CAMK1D: variants seen among roughly 807,000 people sequenced by gnomAD.
The protein encoded by CAMK1D is calcium/calmodulin dependent protein kinase ID.
A neutral mutation model predicts 47.7 loss-of-function variants in CAMK1D; 9 were observed. The observed-to-expected ratio is 0.19, with a 90% CI of 0.11 to 0.33. The LOEUF (loss-of-function observed/expected upper bound fraction) is 0.33, where lower values mean the gene tolerates loss of function less well. Ranked by LOEUF, CAMK1D falls within the 10% of genes least tolerant of loss-of-function variation. CAMK1D has a pLI of 1.00. For missense variants in CAMK1D, 291 were observed against 488.7 expected, an observed-to-expected ratio of 0.60 and a Z score of 3.81; for synonymous variants, 184 against 184.9, an observed-to-expected ratio of 0.99 and a Z score of 0.04.
chr10:12,692,557 A>G (rs1832968806), intron 3 of CAMK1D, among the ~76,000 whole-genome samples: 1 of 152,212 alleles, frequency 6.6e-6, no homozygotes, highest in Non-Finnish European at 1.5e-5. Context: ...CATGAAGTAA[A>G]TTGAGAAGCC....
At chr10:12,389,070 A>G (rs1254226598) in intron 1 of CAMK1D, among the ~76,000 whole-genome samples, 2 of 152,234 alleles carry the variant, frequency 1.3e-5, no homozygotes, top group Non-Finnish European at 2.9e-5. Flanking sequence ...CTGGAGGAAG[A>G]GGCGAGATGG....
intron 3 of CAMK1D, among the ~76,000 whole-genome samples, chr10:12,679,870 G>GATGA (rs1840934399): frequency 2.0e-5 from 3 of 152,182 alleles, no homozygotes; most frequent in Non-Finnish European, 2.9e-5. Context: ...CTCCTCAAGG[G>GATGA]TGTCTGCTCC....
chr10:12,374,126 G>C (rs966093197), intron 1 of CAMK1D, among the ~76,000 whole-genome samples: 2 of 151,478 alleles, frequency 1.3e-5, no homozygotes, highest in African/African-American at 4.8e-5. Flanking sequence ...CAGGTGTCAT[G>C]GTGGGCATCT....
intron 3 of CAMK1D, among the ~76,000 whole-genome samples, chr10:12,715,765 G>T (rs1834108032): frequency 6.7e-6 from 1 of 148,244 alleles, no homozygotes; most frequent in Non-Finnish European, 1.5e-5. Flanking sequence ...CTCTCGCCCA[G>T]GCTGGAGTGC....
At chr10:12,648,898 G>C (rs1477709055) in intron 2 of CAMK1D, among the ~76,000 whole-genome samples, 1 of 152,092 alleles carries the variant, frequency 6.6e-6, no homozygotes, top group Non-Finnish European at 1.5e-5. Context: ...ATTTTTTGGA[G>C]ACAAGGTCTT....
chr10:12,394,254 G>A lies in CAMK1D; in HGVS notation c.92+44344G>A, dbSNP rs540001028. 9.7e-4 allele frequency among the ~76,000 whole-genome samples: 147 copies of A among 152,274 alleles called. 1 individual carries two copies. Among genetic ancestry groups the A allele is most frequent in the African/African-American group, 2.8e-3 (115 of 41,552 alleles). ...GGGTGAGGTAGCAGGGGAGCGTGCC[G>A]TCCTCTCCGGGTGCCCCACCTCCCT... On this transcript the variant is annotated intron_variant, in intron 1 of 10. Coordinates refer to ENST00000619168, the MANE Select transcript of CAMK1D (RefSeq NM_153498.4).
chr10:12,796,176 G>A (rs1838188378), intron 6 of CAMK1D, among the ~76,000 whole-genome samples: 1 of 152,184 alleles, frequency 6.6e-6, no homozygotes, highest in Non-Finnish European at 1.5e-5. Flanking sequence ...GACACTGAAT[G>A]TGGGCTAACA....
intron 3 of CAMK1D, among the ~76,000 whole-genome samples, chr10:12,754,962 C>T (rs1027594608): frequency 3.3e-5 from 5 of 152,148 alleles, no homozygotes; most frequent in African/African-American, 1.2e-4. Flanking sequence ...CAGTCCATAA[C>T]ACCCAGATAT....
rs550562434 is a variant in CAMK1D at position 12,708,018 on chromosome 10, C to T, written c.299+41208C>T. Among the ~76,000 whole-genome samples the T allele has an allele frequency of 3.9e-5, 6 of 152,310 alleles. No homozygotes were observed. In the South Asian group the frequency reaches 1.2e-3, roughly 32 times the overall value. On this transcript the variant is annotated intron_variant, in intron 3 of 10. Coordinates refer to ENST00000619168, the MANE Select transcript of CAMK1D (RefSeq NM_153498.4). The stretch of plus-strand genomic sequence containing the variant: ...TATGATAGACTTTGCCTAAGAGTGA[C>T]CGAGGCAGCATTGTCATTGCCACGG...
intron 1 of CAMK1D, among the ~76,000 whole-genome samples, chr10:12,446,930 G>A (rs1564345119): frequency 6.6e-6 from 1 of 152,158 alleles, no homozygotes; most frequent in African/African-American, 2.4e-5. Context: ...TGGGCTAAAT[G>A]TAGGGAAGGG....
At chr10:12,394,015 C>T (rs971352098) in intron 1 of CAMK1D, among the ~76,000 whole-genome samples, 2 of 152,212 alleles carry the variant, frequency 1.3e-5, no homozygotes, top group Admixed American at 6.5e-5. Flanking sequence ...ACACCCCCTC[C>T]GCTTCAGACG....
chr10:12,401,137 TTATATATATATTTTATATATATATAATA>T lies in CAMK1D; in HGVS notation c.92+51231_92+51258del, dbSNP rs1564315737. The stretch of plus-strand genomic sequence containing the variant: ...ATATATAATATATGTATTATATATA[TTATATATATATTTTATATATATATAATA>T]TATGTATTATATATATTATATATAT... On this transcript the variant is annotated intron_variant, in intron 1 of 10. Transcript: ENST00000619168. Among the ~76,000 whole-genome samples the T allele has an allele frequency of 7.2e-5, 5 of 68,966 alleles. 1 individual carries two copies. The highest frequency in any genetic ancestry group is 1.3e-4 in the Non-Finnish European group (5 of 39,398). 45.2% of individuals were successfully genotyped at this position (68,966 alleles called of 152,430 possible).
chr10:12,751,108 TAAGATAAGATAAGATAAGAA>T (rs1354105685), intron 3 of CAMK1D, among the ~76,000 whole-genome samples: 6 of 80,814 alleles, frequency 7.4e-5, no homozygotes, highest in East Asian at 8.2e-4. Flanking sequence ...TAAGATAAGA[TAAGATAAGATAAGATAAGAA>T]GGCTTCAGAA....
chr10:12,549,719 G>A (rs558288905), intron 1 of CAMK1D, among the ~76,000 whole-genome samples: 3 of 152,312 alleles, frequency 2.0e-5, no homozygotes, highest in South Asian at 2.1e-4. Flanking sequence ...ACTCCGTGCC[G>A]TTGTCCTGCC....
chr10:12,383,184 A>T (rs982278762), intron 1 of CAMK1D, among the ~76,000 whole-genome samples: 1 of 152,180 alleles, frequency 6.6e-6, no homozygotes, highest in African/African-American at 2.4e-5. Context: ...GTACTAAATA[A>T]TTAAATTAGC....
chr10:12,818,704 C>T lies in CAMK1D; in HGVS notation c.833+2376C>T, dbSNP rs116183621. 1.5e-3 allele frequency among the ~76,000 whole-genome samples: 203 copies of T among 131,260 alleles called. 1 individual carries two copies. The highest frequency in any genetic ancestry group is 5.3e-3 in the African/African-American group (186 of 35,426). The allele number at this position is 131,260 out of a possible 152,430, so 86.1% of individuals were successfully genotyped here. On this transcript the variant is annotated intron_variant, in intron 8 of 10. Transcript: ENST00000619168. ...AAAAAATAAGGTAAATTAACTTAGC[C>T]GAGACTACACAGCTAGCTAATAGCA...
intron 8 of CAMK1D, among the ~76,000 whole-genome samples, chr10:12,822,071 C>G (rs1043681845): frequency 8.5e-5 from 13 of 152,240 alleles, no homozygotes; most frequent in African/African-American, 3.1e-4. Context: ...TAAAGCAATC[C>G]TGCTGTATCA....
At chr10:12,509,015 T>C (rs1252994976) in intron 1 of CAMK1D, among the ~76,000 whole-genome samples, 1 of 152,210 alleles carries the variant, frequency 6.6e-6, no homozygotes, top group Non-Finnish European at 1.5e-5. Flanking sequence ...GGAGTTCTGC[T>C]GGTATAAATC....
chr10:12,677,773 G>A (rs1476959239), intron 3 of CAMK1D, among the ~76,000 whole-genome samples: 2 of 152,142 alleles, frequency 1.3e-5, no homozygotes, highest in African/African-American at 4.8e-5. Context: ...CAGTCTGTGA[G>A]GGTTTGGTCT....
Sources: allele counts gnomAD v4.1 joint callset (sites outside exome capture counted in the v4.1 genomes callset), GRCh38; gene constraint gnomAD v4.1.1; transcripts MANE v1.5; gene names NCBI Gene and HGNC (gene_info 2026-07-23, HGNC 2026-07-21).